The following ASPH variants were observed in gnomAD, a reference collection of about 807,000 sequenced individuals.
ASPH encodes aspartyl/asparaginyl beta-hydroxylase.
ASPH carries 100 observed loss-of-function variants against 118.4 expected under a neutral mutation model. The observed-to-expected ratio is 0.84, with a 90% CI of 0.72 to 1.00. The LOEUF (loss-of-function observed/expected upper bound fraction) is 1.00, where lower values mean the gene tolerates loss of function less well. Ranked by LOEUF, ASPH falls within the 50% of genes least tolerant of loss-of-function variation. ASPH has a pLI of 0.00. For missense variants in ASPH, 920 were observed against 919.5 expected (o/e 1.00, Z -0.01); for synonymous variants, 315 against 325.6 (o/e 0.97, Z 0.35).
chr8:61,662,865 CT>C, intron 3 of ASPH: 6 of 984,160 alleles, frequency 6.1e-6, no homozygotes, highest in Non-Finnish European at 7.2e-6. Context: ...TTCTTATGTG[CT>C]TTTGATGATT....
Position 61,568,852 on chromosome 8 carries a change from T to C in ASPH, c.1150-1534A>G, listed in dbSNP as rs187116030. ...ATGGAAGGAGGTGGAGATAACTCTTTTGAAGAGTTTCACTGTAAAGGGGAG... is the reference window on the plus strand; with the variant it reads ...ATGGAAGGAGGTGGAGATAACTCTTCTGAAGAGTTTCACTGTAAAGGGGAG... On this transcript the variant is annotated intron_variant, in intron 16 of 24. Coordinates refer to ENST00000379454, the MANE Select transcript of ASPH (RefSeq NM_004318.4). Among the ~76,000 whole-genome samples the C allele has an allele frequency of 1.2e-3, 182 of 152,246 alleles. 1 individual carries two copies. Among genetic ancestry groups the C allele is most frequent in the East Asian group, 3.3e-3 (17 of 5,174 alleles).
intron 21 of ASPH, among the ~76,000 whole-genome samples, chr8:61,527,630 G>A (rs1815912823): frequency 6.6e-6 from 1 of 152,198 alleles, no homozygotes; most frequent in South Asian, 2.1e-4. Flanking sequence ...TTTTTCAAAA[G>A]CAATCTGCAG....
At chr8:61,659,677 A>C (rs941969094) in intron 3 of ASPH, 7 of 152,254 alleles carry the variant, frequency 4.6e-5, no homozygotes, top group African/African-American at 1.7e-4. Flanking sequence ...AAAGGATAAG[A>C]CACCAAAGAC....
intron 14 of ASPH, among the ~76,000 whole-genome samples, chr8:61,587,912 T>C (rs1011948836): frequency 2.6e-5 from 4 of 152,166 alleles, no homozygotes; most frequent in Non-Finnish European, 5.9e-5. Context: ...AGGCTGGTGA[T>C]GGGACCCTGG....
chr8:61,578,921 G>A, intron 15 of ASPH: 1 of 1,611,254 alleles, frequency 6.2e-7, no homozygotes, highest in South Asian at 1.1e-5. Context: ...AGATCCGGGA[G>A]CTGCAGTCCC....
At chr8:61,675,404 C>T (rs1824767856) in intron 3 of ASPH, 1 of 983,678 alleles carries the variant, frequency 1.0e-6, no homozygotes, top group Non-Finnish European at 1.2e-6. Flanking sequence ...ATTTTGCTTT[C>T]ACAGACAGAA....
intron 24 of ASPH, among the ~76,000 whole-genome samples, chr8:61,511,847 G>T (rs893109030): frequency 2.0e-5 from 3 of 152,004 alleles, no homozygotes; most frequent in African/African-American, 4.8e-5. Context: ...CAAGTGATCC[G>T]CCTGCCTCGG....
intron 17 of ASPH, among the ~76,000 whole-genome samples, chr8:61,563,615 G>C (rs546230458): frequency 6.6e-6 from 1 of 152,288 alleles, no homozygotes; most frequent in Non-Finnish European, 1.5e-5. Flanking sequence ...CGCTAAAGCA[G>C]CTGTATATTC....
intron 13 of ASPH, among the ~76,000 whole-genome samples, chr8:61,627,247 A>C (rs1853327014): frequency 6.6e-6 from 1 of 152,254 alleles, no homozygotes. Flanking sequence ...AACTGTAGGA[A>C]ATAGTTATGA....
rs897733074 is a variant in ASPH at position 61,664,734 on chromosome 8, G to A, written c.323-11074C>T. Reference sequence around the variant, plus strand: ...GAGGAACGGCCCCCTGAAAGGCTGCGGGAGGGCTGGGAGGGCTGGAGAGGA... The same window carrying A: ...GAGGAACGGCCCCCTGAAAGGCTGCAGGAGGGCTGGGAGGGCTGGAGAGGA... On this transcript the variant is annotated intron_variant, in intron 3 of 24. Coordinates refer to ENST00000379454, the MANE Select transcript of ASPH (RefSeq NM_004318.4). 24 of 985,874 alleles carry A rather than the reference G, an allele frequency of 2.4e-5. No homozygotes were observed. The Admixed American group carries it at 6.2e-4, about 25-fold the overall frequency. 61.1% of individuals were successfully genotyped at this position (985,874 alleles called of 1,614,324 possible). A position where few individuals can be genotyped will look rare whatever the true frequency, so the allele number is the denominator to read the frequency against.
intron 15 of ASPH, chr8:61,579,191 C>A: frequency 6.2e-7 from 1 of 1,612,938 alleles, no homozygotes; most frequent in South Asian, 1.1e-5. Context: ...TTGAGGGCCT[C>A]AAAGGCCAGA....
chr8:61,550,944 C>T (rs1165076084), intron 20 of ASPH, among the ~76,000 whole-genome samples: 1 of 152,120 alleles, frequency 6.6e-6, no homozygotes, highest in East Asian at 1.9e-4. Context: ...GGAGCTCAAG[C>T]TCACTCAAAT....
At chr8:61,525,800 G>A (rs1039599873) in intron 22 of ASPH, among the ~76,000 whole-genome samples, 177 bp downstream of exon 22, 1 of 152,134 alleles carries the variant, frequency 6.6e-6, no homozygotes, top group Non-Finnish European at 1.5e-5. Flanking sequence ...ATACAAATAA[G>A]GGCTCAGATG....
chr8:61,532,444 A>C (rs1265862431), intron 21 of ASPH, among the ~76,000 whole-genome samples: 1 of 152,038 alleles, frequency 6.6e-6, no homozygotes, highest in African/African-American at 2.4e-5. Flanking sequence ...CCCTTATCAG[A>C]TATATGGTTT....
Position 61,559,477 on chromosome 8 carries a change from C to T in ASPH, c.1437+3267G>A, listed in dbSNP as rs1829028405. Among the ~76,000 whole-genome samples the T allele has an allele frequency of 2.6e-5, 4 of 152,296 alleles. No individual in the cohort carries two copies. The South Asian group carries it at 8.3e-4, about 32-fold the overall frequency. On this transcript the variant is annotated intron_variant, in intron 18 of 24. Transcript: ENST00000379454. ...TTTCTCTCTCTCTATAAAACACACA[C>T]ATCCATACACAAACACAAAGCACAG...
At chr8:61,575,228 T>C (rs985886898) in intron 16 of ASPH, among the ~76,000 whole-genome samples, 1 of 152,246 alleles carries the variant, frequency 6.6e-6, no homozygotes, top group Non-Finnish European at 1.5e-5. Context: ...CTTATTTTCT[T>C]TACAGCATGT....
intron 24 of ASPH, among the ~76,000 whole-genome samples, chr8:61,514,044 C>G (rs1237104076): frequency 6.6e-6 from 1 of 152,060 alleles, no homozygotes; most frequent in African/African-American, 2.4e-5. Context: ...TGTTGGAGTG[C>G]AGTGGCGCAG....
chr8:61,686,284 A>G (rs1048628583), intron 1 of ASPH, among the ~76,000 whole-genome samples: 1 of 152,184 alleles, frequency 6.6e-6, no homozygotes, highest in Non-Finnish European at 1.5e-5. Context: ...ATCAACTTCA[A>G]ATAGGTATCA....
At chr8:61,623,852 C>A (rs376894399) in intron 13 of ASPH, 2 of 152,230 alleles carry the variant, frequency 1.3e-5, no homozygotes, top group African/African-American at 4.8e-5. Context: ...GAATAAGATC[C>A]TGCCATTTGA....
Sources: allele counts gnomAD v4.1 joint callset (sites outside exome capture counted in the v4.1 genomes callset), GRCh38; gene constraint gnomAD v4.1.1; transcripts MANE v1.5; gene names NCBI Gene and HGNC (gene_info 2026-07-23, HGNC 2026-07-21).